The following SHC4 variants were observed in gnomAD, a reference collection of about 807,000 sequenced individuals.
SHC4 encodes SHC adaptor protein 4.
SHC4 carries 41 observed loss-of-function variants against 69.4 expected under a neutral mutation model. The observed-to-expected ratio is 0.59, with a 90% CI of 0.46 to 0.77. The LOEUF (loss-of-function observed/expected upper bound fraction) is 0.77. Among genes scored for constraint, SHC4 ranks in the 30% least tolerant of loss-of-function variants. The pLI, the probability that SHC4 is intolerant of heterozygous loss-of-function variation, is 0.00. For synonymous variants in SHC4, 318 were observed against 299.3 expected (o/e 1.06, Z -0.64); for missense variants, 777 against 783.8 (o/e 0.99, Z 0.10).
At position 48,879,040 on chromosome 15, in the gene SHC4, T is replaced by C. The variant is rs532760155; in HGVS notation, c.840+5208A>G. On this transcript the variant is annotated intron_variant, in intron 4 of 11. Coordinates refer to ENST00000332408, the MANE Select transcript of SHC4 (RefSeq NM_203349.4). ...TATTTTCCTTGCATTGGGGAAAATA[T>C]CTTTCATATTTGTTTGCTGTAAAGA... The C allele has an allele frequency of 1.2e-4, 34 of 282,300 alleles. 2 individuals are homozygous for C. In the South Asian group the frequency reaches 2.9e-3, roughly 24 times the overall value. 17.5% of individuals were successfully genotyped at this position (282,300 alleles called of 1,614,324 possible).
chr15:48,884,740 A>C (rs1900004187), intron 3 of SHC4, among the ~76,000 whole-genome samples: 1 of 152,182 alleles, frequency 6.6e-6, no homozygotes, highest in African/African-American at 2.4e-5. Flanking sequence ...AATCCACTGA[A>C]TCTAATGCCA....
At chr15:48,862,344 G>T (rs1475913135) in intron 6 of SHC4, among the ~76,000 whole-genome samples, 1 of 152,118 alleles carries the variant, frequency 6.6e-6, no homozygotes, top group Non-Finnish European at 1.5e-5. Context: ...GTAAGACAAT[G>T]TGGATTTCCT....
chr15:48,938,418 C>G (rs775798027), intron 1 of SHC4: 24 of 152,140 alleles, frequency 1.6e-4, no homozygotes, highest in Non-Finnish European at 2.9e-4. Context: ...CCTCTGAACA[C>G]TTTATCCTCT....
At chr15:48,842,846 G>A (rs1288941207) in intron 10 of SHC4, among the ~76,000 whole-genome samples, 6 of 152,154 alleles carry the variant, frequency 3.9e-5, no homozygotes, top group Admixed American at 6.5e-5. Context: ...TGAGAGGATC[G>A]CTTGAGCCCA....
intron 9 of SHC4, among the ~76,000 whole-genome samples, chr15:48,846,187 T>C (rs754641555): frequency 2.0e-5 from 3 of 152,182 alleles, no homozygotes; most frequent in African/African-American, 2.4e-5. Context: ...TAAATTCATA[T>C]GGACCTGAGT....
intron 2 of SHC4, among the ~76,000 whole-genome samples, chr15:48,903,910 T>G (rs1231425194): frequency 6.6e-6 from 1 of 152,116 alleles, no homozygotes; most frequent in Non-Finnish European, 1.5e-5. Flanking sequence ...GGACTACAGG[T>G]GCATGCCACC....
chr15:48,963,077 A>C lies in SHC4; in HGVS notation c.-62T>G. 1.3e-6 allele frequency: 2 copies of C among 1,512,520 alleles called. No individual in the cohort carries two copies. Among genetic ancestry groups the C allele is most frequent in the Non-Finnish European group, 1.8e-6 (2 of 1,119,030 alleles). The allele number at this position is 1,512,520 out of a possible 1,614,324, so 93.7% of individuals were successfully genotyped here. A position where few individuals can be genotyped will look rare whatever the true frequency, so the allele number is the denominator to read the frequency against. Reference sequence around the variant, plus strand: ...AATCGCCTCGTCGTCTGGTAGATAAACGGTGCAGACATCAGATACCTCAAC... The same window carrying C: ...AATCGCCTCGTCGTCTGGTAGATAACCGGTGCAGACATCAGATACCTCAAC... On this transcript the variant is annotated 5_prime_UTR_variant, in exon 1 of 12. Coordinates refer to ENST00000332408, the MANE Select transcript of SHC4 (RefSeq NM_203349.4).
intron 4 of SHC4, among the ~76,000 whole-genome samples, chr15:48,872,477 A>G (rs1899698687): frequency 2.0e-5 from 3 of 152,248 alleles, no homozygotes; most frequent in Admixed American, 6.5e-5. Flanking sequence ...TCTCTCTGCC[A>G]TTAAAAACTA....
At chr15:48,941,184 A>T (rs1461578876) in intron 1 of SHC4, among the ~76,000 whole-genome samples, 1 of 152,194 alleles carries the variant, frequency 6.6e-6, no homozygotes, top group Admixed American at 6.5e-5. Flanking sequence ...TACAAAGCGA[A>T]TCAGAAGAGT....
At chr15:48,871,988 T>A (rs1038471885) in intron 5 of SHC4, 101 bp downstream of exon 5, 5 of 722,706 alleles carry the variant, frequency 6.9e-6, no homozygotes, top group Non-Finnish European at 1.2e-5. Context: ...TAGTGGCTAA[T>A]ATGGTTTATG....
rs562435077 is a variant in SHC4 at position 48,834,340 on chromosome 15, C to T, written c.1737+429G>A. 1.2e-4 allele frequency among the ~76,000 whole-genome samples: 19 copies of T among 152,278 alleles called. No homozygotes were observed. In the South Asian group the frequency reaches 3.9e-3, roughly 32 times the overall value. On this transcript the variant is annotated intron_variant, in intron 11 of 11. Transcript: ENST00000332408. ...CTTAGTTTGCCTCAACCAGAATGAC[C>T]TCTCTGTTCTGAGAAACACCATAAT...
intron 10 of SHC4, among the ~76,000 whole-genome samples, chr15:48,842,857 G>C (rs149569828): frequency 6.6e-6 from 1 of 152,222 alleles, no homozygotes; most frequent in Non-Finnish European, 1.5e-5. Context: ...CTTGAGCCCA[G>C]GAGGCAGAGG....
intron 2 of SHC4, among the ~76,000 whole-genome samples, chr15:48,921,838 T>C (rs1900758996): frequency 6.6e-6 from 1 of 152,232 alleles, no homozygotes; most frequent in African/African-American, 2.4e-5. Flanking sequence ...TTTAGAATCT[T>C]TAGCAACAGG....
At position 48,857,682 on chromosome 15, in the gene SHC4, C is replaced by G. The variant is rs1160983257; in HGVS notation, c.1070+10G>C. On this transcript the variant is annotated intron_variant, in intron 7 of 11. Coordinates refer to ENST00000332408, the MANE Select transcript of SHC4 (RefSeq NM_203349.4). ...TATATTGTCAAATTATTATAAAACT[C>G]TTGGCTGACCTTTCACAAGAAGTAT... 1.3e-6 allele frequency: 2 copies of G among 1,589,148 alleles called. No homozygotes were observed. Among genetic ancestry groups the G allele is most frequent in the South Asian group, 2.3e-5 (2 of 86,168 alleles).
chr15:48,877,661 A>G, intron 4 of SHC4: 1 of 689,114 alleles, frequency 1.5e-6, no homozygotes, highest in Non-Finnish European at 1.8e-6. Context: ...AGTACAATAT[A>G]TCTGTTGTTT....
intron 2 of SHC4, among the ~76,000 whole-genome samples, chr15:48,918,873 T>C (rs1900680752): frequency 6.6e-6 from 1 of 152,218 alleles, no homozygotes; most frequent in Non-Finnish European, 1.5e-5. Flanking sequence ...ATCTTCTCTC[T>C]TTTTTTAAAT....
chr15:48,867,732 C>T, intron 6 of SHC4, 86 bp downstream of exon 6: 1 of 1,151,258 alleles, frequency 8.7e-7, no homozygotes, highest in Non-Finnish European at 1.3e-6. Flanking sequence ...ATAGTCATCA[C>T]TCTGTACATT....
In SHC4 at chr15:48,866,506, C is replaced by G. The variant is rs116200558; in HGVS notation, c.946+1312G>C. ...ATCACAATAGCTTCCAAATGGATATCCCTGCCTTAAGTTTCTCCCTGAATC... is the reference window on the plus strand; with the variant it reads ...ATCACAATAGCTTCCAAATGGATATGCCTGCCTTAAGTTTCTCCCTGAATC... On this transcript the variant is annotated intron_variant, in intron 6 of 11. Transcript: ENST00000332408. Among the ~76,000 whole-genome samples the G allele has an allele frequency of 8.7e-3, 1,320 of 152,200 alleles. 18 individuals are homozygous for G. The highest frequency in any genetic ancestry group is 0.03 in the African/African-American group (1,251 of 41,506).
rs386382928 is a variant in SHC4, at chr15:48,919,295, A to ATTTTTTTTTTTTTTTTTTT, written c.656+5565_656+5583dup. Among the ~76,000 whole-genome samples the ATTTTTTTTTTTTTTTTTTT allele has an allele frequency of 3.6e-3, 259 of 71,234 alleles. 30 individuals are homozygous for ATTTTTTTTTTTTTTTTTTT. Among genetic ancestry groups the ATTTTTTTTTTTTTTTTTTT allele is most frequent in the African/African-American group, 8.0e-3 (153 of 19,162 alleles). The allele number at this position is 71,234 out of a possible 152,430, so 46.7% of individuals were successfully genotyped here. A position where few individuals can be genotyped will look rare whatever the true frequency, so the allele number is the denominator to read the frequency against. ...CTCACACTCTTAAAAATTTATTTTA[A>ATTTTTTTTTTTTTTTTTTT]TTTTTTTTTTTTTTTTTTTTGTAGA... On this transcript the variant is annotated intron_variant, in intron 2 of 11. Coordinates refer to ENST00000332408, the MANE Select transcript of SHC4 (RefSeq NM_203349.4).
Sources: gnomAD v4.1 joint callset for allele counts (sites outside exome capture counted in the v4.1 genomes callset) on GRCh38, gnomAD v4.1.1 for gene constraint, MANE v1.5 for transcripts, NCBI Gene and HGNC (gene_info 2026-07-23, HGNC 2026-07-21) for gene names.